The following UBE2O variants were observed in gnomAD, a reference collection of about 807,000 sequenced individuals.
The protein encoded by UBE2O is (E3-independent) E2 ubiquitin-conjugating enzyme.
Under a neutral mutation model 125.8 loss-of-function variants are expected in UBE2O, and 15 were observed. That is an observed-to-expected ratio of 0.12 (90% CI 0.08 to 0.18). UBE2O has a LOEUF of 0.18. Ranked by LOEUF, UBE2O falls within the 10% of genes least tolerant of loss-of-function variation. The probability of loss-of-function intolerance (pLI) is 1.00; values close to 1 mark genes in which losing one functional copy is unlikely to be tolerated. For missense variants in UBE2O, 1,280 were observed against 1,723.6 expected (o/e 0.74, Z 4.56); for synonymous variants, 708 against 703.2 (o/e 1.01, Z -0.11).
chr17:76,448,365 G>A (rs1254227446), intron 1 of UBE2O, among the ~76,000 whole-genome samples: 1 of 152,164 alleles, frequency 6.6e-6, no homozygotes, highest in East Asian at 1.9e-4. Context: ...TGCTTTTAAT[G>A]GGCCCAGCAC....
At chr17:76,429,121 C>T (rs1332709520) in intron 1 of UBE2O, among the ~76,000 whole-genome samples, 1 of 151,766 alleles carries the variant, frequency 6.6e-6, no homozygotes. Context: ...AGGCTGGTCT[C>T]GAACTCCTGA....
At chr17:76,406,369 G>C (rs1409875810) in intron 1 of UBE2O, among the ~76,000 whole-genome samples, 1 of 152,108 alleles carries the variant, frequency 6.6e-6, no homozygotes, top group African/African-American at 2.4e-5. Context: ...CATAATCATG[G>C]ATGGGTCTCT....
In UBE2O at chr17:76,398,653, G is replaced by C. The variant is rs549370292; in HGVS notation, c.1784-69C>G. 1 of 1,530,160 alleles carries C rather than the reference G, an allele frequency of 6.5e-7. No homozygotes were observed. Among genetic ancestry groups the C allele is most frequent in the African/African-American group, 1.4e-5 (1 of 73,264 alleles). The allele number at this position is 1,530,160 out of a possible 1,614,324, so 94.8% of individuals were successfully genotyped here. A position where few individuals can be genotyped will look rare whatever the true frequency, so the allele number is the denominator to read the frequency against. On this transcript the variant is annotated intron_variant, in intron 10 of 17. Coordinates refer to ENST00000319380, the MANE Select transcript of UBE2O (RefSeq NM_022066.4). The surrounding 1 kb of genome is among the most constrained non-coding windows in gnomAD (Gnocchi z 5.4). ...GCTAAGGAGCCCACATCTCAAGCCAGTGCAGAGTGCAGAACCCTGACCTTC... is the reference window on the plus strand; with the variant it reads ...GCTAAGGAGCCCACATCTCAAGCCACTGCAGAGTGCAGAACCCTGACCTTC...
At chr17:76,446,466 A>C (rs911339875) in intron 1 of UBE2O, among the ~76,000 whole-genome samples, 8 of 152,178 alleles carry the variant, frequency 5.3e-5, no homozygotes, top group African/African-American at 1.7e-4. Context: ...AACAAACAAA[A>C]AAAAAAACCA....
chr17:76,398,248 G>A lies in UBE2O; in HGVS notation c.2025+7C>T. The stretch of plus-strand genomic sequence containing the variant: ...CAGCCATCCAGAACTTGAATTTGAA[G>A]GCGTACCTCATCCTCCTTGTGAGGA... On this transcript the variant is annotated splice_region_variant and intron_variant, in intron 12 of 17. Transcript: ENST00000319380. This position sits in a 1 kb window ranked among gnomAD's most constrained non-coding sequence, Gnocchi z 5.4. 2 of 1,614,124 alleles carry A rather than the reference G, an allele frequency of 1.2e-6. No homozygotes were observed. The highest frequency in any genetic ancestry group is 1.1e-5 in the South Asian group (1 of 91,078).
In UBE2O at chr17:76,399,494, T is replaced by C; in HGVS notation, c.1583A>G (p.Lys528Arg). 3 of 1,614,164 alleles carry C rather than the reference T, an allele frequency of 1.9e-6. No homozygotes were observed. Among genetic ancestry groups the C allele is most frequent in the Non-Finnish European group, 2.5e-6 (3 of 1,180,024 alleles). ...LSIKNLKRKHKRKKNKITRDF... is the reference protein window; with the variant it reads ...LSIKNLKRKHRRKKNKITRDF... ...TCGAGTGATTTTATTCTTCTTCCTCTTGTGTTTGCGCTTTAAGTTCTTGAT... is the reference window on the plus strand; with the variant it reads ...TCGAGTGATTTTATTCTTCTTCCTCCTGTGTTTGCGCTTTAAGTTCTTGAT... Residue 528 changes from lysine (K) to arginine (R), a missense_variant, in exon 9 of 18, where the codon AAG (lysine) becomes AGG (arginine). Physicochemically the swap from Lys to Arg is conservative, Grantham distance 26. Transcript: ENST00000319380. This position sits in a 1 kb window ranked among gnomAD's most constrained non-coding sequence, Gnocchi z 6.9.
At chr17:76,407,368 C>G (rs1196911588) in intron 1 of UBE2O, among the ~76,000 whole-genome samples, 1 of 152,206 alleles carries the variant, frequency 6.6e-6, no homozygotes, top group African/African-American at 2.4e-5. Flanking sequence ...CCCTCTGTGC[C>G]CAAATCTCCA....
At position 76,397,907 on chromosome 17, in the gene UBE2O, A is replaced by C. The variant is rs80317542; in HGVS notation, c.2026-19T>G. ...CCGATGGCTGCTGGGCAAAGGGGAC[A>C]AAGTCAGGGGGCCCAGCTCAAGCTC... On this transcript the variant is annotated intron_variant, in intron 12 of 17. Coordinates refer to ENST00000319380, the MANE Select transcript of UBE2O (RefSeq NM_022066.4). 1.1e-3 allele frequency: 1,825 copies of C among 1,613,316 alleles called. 13 individuals carry two copies. In the African/African-American group the frequency reaches 0.021, roughly 19 times the overall value.
At chr17:76,450,409 A>G (rs564977178) in intron 1 of UBE2O, among the ~76,000 whole-genome samples, 16 of 152,180 alleles carry the variant, frequency 1.1e-4, no homozygotes, top group South Asian at 8.3e-4. Context: ...CCTATTCTAA[A>G]TCCTAAAAGA....
chr17:76,450,337 G>C (rs562359312), intron 1 of UBE2O, among the ~76,000 whole-genome samples: 1 of 152,252 alleles, frequency 6.6e-6, no homozygotes, highest in East Asian at 1.9e-4. Flanking sequence ...TCAGTCACCT[G>C]TATCTATAGC....
At chr17:76,423,579 G>A (rs564204915) in intron 1 of UBE2O, among the ~76,000 whole-genome samples, 1 of 151,708 alleles carries the variant, frequency 6.6e-6, no homozygotes, top group African/African-American at 2.4e-5. Flanking sequence ...TATAGTCCCA[G>A]CTACTTGGGG....
chr17:76,429,052 C>T (rs1195645915), intron 1 of UBE2O, among the ~76,000 whole-genome samples: 3 of 151,856 alleles, frequency 2.0e-5, no homozygotes, highest in Admixed American at 1.3e-4. Flanking sequence ...CGGGCGCATG[C>T]CACCATGCCC....
At chr17:76,451,601 T>C (rs1332168134) in intron 1 of UBE2O, among the ~76,000 whole-genome samples, 10 of 152,188 alleles carry the variant, frequency 6.6e-5, no homozygotes, top group Non-Finnish European at 1.2e-4. Flanking sequence ...CGTTCCTCTG[T>C]AGTCTTTGTC....
intron 1 of UBE2O, among the ~76,000 whole-genome samples, chr17:76,432,790 A>G (rs916756618): frequency 1.3e-5 from 2 of 152,228 alleles, no homozygotes; most frequent in African/African-American, 4.8e-5. Context: ...TTGAATAAAC[A>G]TTTATCTAAA....
Position 76,391,440 on chromosome 17 carries a change from T to C in UBE2O, c.3382A>G (p.Arg1128Gly). ...CAGCCACCAGTGCTAAAGTGTTGCC[T>C]GATCTCCTGCTCAAAGACCTCGGGG... ...RPPEVFEQEI[R>G]QHFSTGGWRL... is the part of the protein sequence containing the mutation. Residue 1128 changes from arginine to glycine, a missense_variant, in exon 18 of 18, where the codon AGG becomes GGG. Coordinates refer to ENST00000319380, the MANE Select transcript of UBE2O (RefSeq NM_022066.4). This position sits in a 1 kb window ranked among gnomAD's most constrained non-coding sequence, Gnocchi z 8.4. 1.2e-6 allele frequency: 2 copies of C among 1,613,774 alleles called. No individual in the cohort carries two copies. Among genetic ancestry groups the C allele is most frequent in the South Asian group, 2.2e-5 (2 of 91,088 alleles).
intron 1 of UBE2O, among the ~76,000 whole-genome samples, chr17:76,407,821 C>A (rs893764451): frequency 2.0e-5 from 3 of 152,234 alleles, no homozygotes; most frequent in African/African-American, 7.2e-5. Flanking sequence ...CCCGTGGGGT[C>A]TCCAGACAAC....
Position 76,396,773 on chromosome 17 carries a change from C to A in UBE2O, c.2164G>T (p.Val722Leu), listed in dbSNP as rs368378503. 6.2e-7 allele frequency: 1 copy of A among 1,612,184 alleles called. No individual in the cohort carries two copies. Among genetic ancestry groups the A allele is most frequent in the Non-Finnish European group, 8.5e-7 (1 of 1,178,980 alleles). ...GATGCCCCGCTGGTGCTGCCTTCTA[C>A]CGAATCGTAGTCTGACTCCTCAATC... ...SEIEESDYDS[V>L]EGSTSGASSD... The change falls in exon 14 of 18, where the codon GTA (valine) becomes TTA (leucine). Residue 722 changes from valine (V) to leucine (L), a missense_variant. Coordinates refer to ENST00000319380, the MANE Select transcript of UBE2O (RefSeq NM_022066.4). The surrounding 1 kb of genome is among the most constrained non-coding windows in gnomAD (Gnocchi z 6.7).
Position 76,398,897 on chromosome 17 carries a change from G to A in UBE2O, c.1723C>T (p.Pro575Ser), listed in dbSNP as rs2072264771. The A allele has an allele frequency of 1.2e-6, 2 of 1,614,068 alleles. No homozygotes were observed. The highest frequency in any genetic ancestry group is 1.7e-6 in the Non-Finnish European group (2 of 1,180,042). ...TCGTTGTTGTCCAGGTGGTGCACAGGGAAGAGGTCGTTGGAGCGGATGTTG... is the reference window on the plus strand; with the variant it reads ...TCGTTGTTGTCCAGGTGGTGCACAGAGAAGAGGTCGTTGGAGCGGATGTTG... ...ECNIRSNDLFPVHHLDNNEFC... is the reference protein window; with the variant it reads ...ECNIRSNDLFSVHHLDNNEFC... The change falls in exon 10 of 18, where the codon CCT becomes TCT. Residue 575 changes from proline to serine, a missense_variant. Coordinates refer to ENST00000319380, the MANE Select transcript of UBE2O (RefSeq NM_022066.4). This position sits in a 1 kb window ranked among gnomAD's most constrained non-coding sequence, Gnocchi z 5.4.
rs769320814 is a variant in UBE2O, at chr17:76,400,353, G to A, written c.1005-56C>T. On this transcript the variant is annotated intron_variant, in intron 7 of 17. Coordinates refer to ENST00000319380, the MANE Select transcript of UBE2O (RefSeq NM_022066.4). This position sits in a 1 kb window ranked among gnomAD's most constrained non-coding sequence, Gnocchi z 4.3. ...GCTGGACTCCTGGGAGGCCAGCAGT[G>A]TTCTTAAGCCTCCCCAGGCATGTGA... 154 of 1,600,742 alleles carry A rather than the reference G, an allele frequency of 9.6e-5. 1 individual carries two copies. The highest frequency in any genetic ancestry group is 1.2e-4 in the Non-Finnish European group (140 of 1,171,540).
Sources: allele counts gnomAD v4.1 joint callset (sites outside exome capture counted in the v4.1 genomes callset), GRCh38; gene constraint gnomAD v4.1.1; non-coding constraint Gnocchi (gnomAD v3.1); transcripts MANE v1.5; gene names NCBI Gene and HGNC (gene_info 2026-07-23, HGNC 2026-07-21).